Variants in CMTM7 observed in about 807,000 individuals in gnomAD.
CMTM7 encodes the protein CKLF like MARVEL transmembrane domain containing 7.
A neutral mutation model predicts 19.3 loss-of-function variants in CMTM7; 7 were observed. That is an observed-to-expected ratio of 0.36 (90% CI 0.21 to 0.68). The LOEUF (loss-of-function observed/expected upper bound fraction) is 0.68. Ranked by LOEUF, CMTM7 falls within the 30% of genes least tolerant of loss-of-function variation. CMTM7 has a pLI of 0.60. For synonymous variants in CMTM7, 87 were observed against 99.3 expected, an observed-to-expected ratio of 0.88 and a Z score of 0.74; for missense variants, 193 against 232.6, an observed-to-expected ratio of 0.83 and a Z score of 1.11.
At chr3:32,405,354 T>C (rs1205374254) in intron 1 of CMTM7, among the ~76,000 whole-genome samples, 1 of 152,226 alleles carries the variant, frequency 6.6e-6, no homozygotes, top group Admixed American at 6.5e-5. Flanking sequence ...TGATGGCTGC[T>C]CCTTAGCAAG....
At chr3:32,426,617 C>T (rs1316793000) in intron 1 of CMTM7, among the ~76,000 whole-genome samples, 1 of 151,944 alleles carries the variant, frequency 6.6e-6, no homozygotes, top group Non-Finnish European at 1.5e-5. Flanking sequence ...GCTAGGTGAA[C>T]ATTTTTGTTA....
intron 1 of CMTM7, among the ~76,000 whole-genome samples, chr3:32,422,206 C>G (rs79583712): frequency 0.12 from 17,943 of 152,244 alleles, 1,097 homozygotes; most frequent in South Asian, 0.2. Flanking sequence ...AATGGCTTTT[C>G]TATTCTTGTT....
intron 1 of CMTM7, among the ~76,000 whole-genome samples, chr3:32,406,393 G>A (rs1696091813): frequency 6.6e-6 from 1 of 152,126 alleles, no homozygotes; most frequent in South Asian, 2.1e-4. Context: ...ACCCAATGTT[G>A]CATGCTTTTC....
rs1256622506 is a variant in CMTM7 at position 32,403,387 on chromosome 3, A to AT, written c.159+11328dup. On this transcript the variant is annotated intron_variant, in intron 1 of 4. Transcript: ENST00000334983. ...AGGTGCAGGCCACCACGCCTGTCTA[A>AT]TTTTTTGTAGAGACACGGTTTTGCC... 2.0e-5 allele frequency among the ~76,000 whole-genome samples: 3 copies of AT among 152,142 alleles called. No homozygotes were observed. In the East Asian group the frequency reaches 5.8e-4, roughly 30 times the overall value.
intron 1 of CMTM7, among the ~76,000 whole-genome samples, chr3:32,435,054 C>T (rs528523141): frequency 1.3e-5 from 2 of 152,302 alleles, no homozygotes; most frequent in South Asian, 4.1e-4. Context: ...ACAACAAAAT[C>T]TTAAACGTGC....
intron 3 of CMTM7, chr3:32,452,101 T>C (rs1370465056): frequency 3.5e-6 from 5 of 1,428,928 alleles, no homozygotes; most frequent in Non-Finnish European, 4.6e-6. Context: ...CCCAGCTTGC[T>C]TGTAAATGTA....
chr3:32,402,407 C>G (rs1185680845), intron 1 of CMTM7, among the ~76,000 whole-genome samples: 1 of 149,752 alleles, frequency 6.7e-6, no homozygotes, highest in Non-Finnish European at 1.5e-5. Flanking sequence ...CCACTGTGCC[C>G]GGCCAGTTTA....
intron 2 of CMTM7, among the ~76,000 whole-genome samples, chr3:32,446,909 A>C (rs533896079): frequency 5.1e-4 from 78 of 152,312 alleles, no homozygotes; most frequent in Non-Finnish European, 1.1e-3. Context: ...AGCCTACAGA[A>C]CCATGAGGCA....
At chr3:32,395,023 CAG>C (rs1375206000) in intron 1 of CMTM7, among the ~76,000 whole-genome samples, 1 of 148,482 alleles carries the variant, frequency 6.7e-6, no homozygotes, top group African/African-American at 2.5e-5. Context: ...TTGAGCGAGA[CAG>C]AGAGGGTCTT....
At chr3:32,429,573 G>A (rs1168504824) in intron 1 of CMTM7, among the ~76,000 whole-genome samples, 1 of 150,742 alleles carries the variant, frequency 6.6e-6, no homozygotes, top group Non-Finnish European at 1.5e-5. Flanking sequence ...TTACAGGCGT[G>A]AGCCATCACG....
intron 1 of CMTM7, among the ~76,000 whole-genome samples, chr3:32,420,739 C>T (rs1696331093): frequency 6.6e-6 from 1 of 152,196 alleles, no homozygotes; most frequent in African/African-American, 2.4e-5. Flanking sequence ...GGCCAGAGAG[C>T]AGGTGGGAGA....
chr3:32,410,791 G>C (rs1696161990), intron 1 of CMTM7, among the ~76,000 whole-genome samples: 1 of 152,194 alleles, frequency 6.6e-6, no homozygotes, highest in African/African-American at 2.4e-5. Context: ...GGTTTCGACA[G>C]ACTCACAATC....
chr3:32,449,457 C>G lies in CMTM7; in HGVS notation c.337C>G (p.Leu113Val). ...TTTGCTTTGTTTCTGCCCCCAGGAA[C>G]TTCTGCACTATTTAATCGGTACCCT... ...LTCISWPLSE[L>V]LHYLIGTLLL... Residue 113 changes from leucine to valine, a missense_variant, in exon 3 of 5, where the codon CTT (leucine) becomes GTT (valine). Transcript: ENST00000334983. This position sits in a 1 kb window ranked among gnomAD's most constrained non-coding sequence, Gnocchi z 4.5. The G allele has an allele frequency of 6.2e-7, 1 of 1,613,212 alleles. No individual in the cohort carries two copies. Among genetic ancestry groups the G allele is most frequent in the African/African-American group, 1.3e-5 (1 of 75,028 alleles).
intron 1 of CMTM7, among the ~76,000 whole-genome samples, chr3:32,408,277 C>G (rs1478344106): frequency 6.6e-6 from 1 of 152,218 alleles, no homozygotes; most frequent in East Asian, 1.9e-4. Context: ...TGTAAGCTTG[C>G]TACAGTAGCC....
At chr3:32,441,806 A>C in intron 1 of CMTM7, 34 bp from the exon 2 acceptor site, 1 of 1,603,568 alleles carries the variant, frequency 6.2e-7, no homozygotes, top group African/African-American at 1.3e-5. Flanking sequence ...CGTCTTGGGC[A>C]AGCATTTCTC....
intron 2 of CMTM7, among the ~76,000 whole-genome samples, chr3:32,446,265 C>T (rs1382733753): frequency 1.3e-5 from 2 of 152,100 alleles, no homozygotes; most frequent in Non-Finnish European, 2.9e-5. Flanking sequence ...TTGTCCATTT[C>T]ATCTAAGTCA....
chr3:32,452,756 T>C (rs750506705), intron 4 of CMTM7, among the ~76,000 whole-genome samples: 66 of 149,934 alleles, frequency 4.4e-4, no homozygotes, highest in Non-Finnish European at 8.0e-4. Flanking sequence ...TCTTTACTTT[T>C]CTTTTTTTTT....
At position 32,449,481 on chromosome 3, in the gene CMTM7, C is replaced by T; in HGVS notation, c.361C>T (p.Leu121=). ...SELLHYLIGT[L]LLLIASIVAA... The stretch of plus-strand genomic sequence containing the variant: ...ACTTCTGCACTATTTAATCGGTACC[C>T]TGCTCCTCCTCATCGCCTCCATTGT... The change falls in exon 3 of 5, where the codon CTG becomes TTG. Residue 121 remains leucine (L), a synonymous_variant. Coordinates refer to ENST00000334983, the MANE Select transcript of CMTM7 (RefSeq NM_138410.4). This position sits in a 1 kb window ranked among gnomAD's most constrained non-coding sequence, Gnocchi z 4.5. The T allele has an allele frequency of 6.2e-7, 1 of 1,614,148 alleles. No homozygotes were observed. Among genetic ancestry groups the T allele is most frequent in the African/African-American group, 1.3e-5 (1 of 75,052 alleles).
chr3:32,415,982 G>A (rs1336879315), intron 1 of CMTM7, among the ~76,000 whole-genome samples: 1 of 152,158 alleles, frequency 6.6e-6, no homozygotes, highest in Non-Finnish European at 1.5e-5. Flanking sequence ...TGTCATACAT[G>A]CCAGGCCTGT....
Sources: gnomAD v4.1 joint callset for allele counts (sites outside exome capture counted in the v4.1 genomes callset) on GRCh38, gnomAD v4.1.1 for gene constraint, Gnocchi (gnomAD v3.1) non-coding constraint, MANE v1.5 for transcripts, NCBI Gene and HGNC (gene_info 2026-07-23, HGNC 2026-07-21) for gene names.